Variants in TRPA1 observed in about 807,000 individuals in gnomAD.
The protein encoded by TRPA1 is transient receptor potential cation channel subfamily A member 1.
In TRPA1, 129 loss-of-function variants were observed where a neutral mutation model predicts 131.3. The ratio of observed to expected loss-of-function variants is 0.98; its 90% CI spans 0.85 to 1.14. The LOEUF (loss-of-function observed/expected upper bound fraction) is 1.14, where lower values mean the gene tolerates loss of function less well. Among genes scored for constraint, TRPA1 ranks in the 50% most tolerant of loss-of-function variants. TRPA1 has a pLI of 0.00. For synonymous variants in TRPA1, 441 were observed against 451.7 expected (o/e 0.98, Z 0.30); for missense variants, 1,304 against 1,354.2 (o/e 0.96, Z 0.58).
At chr8:72,057,166 C>T (rs1646282252) in intron 9 of TRPA1, 149 bp from the exon 10 acceptor site, 1 of 662,084 alleles carries the variant, frequency 1.5e-6, no homozygotes. Context: ...GAAAACTAAA[C>T]ATATTTAAAA....
Position 72,069,057 on chromosome 8 carries a change from A to G in TRPA1, c.410T>C (p.Ile137Thr), listed in dbSNP as rs762892007. 1.9e-6 allele frequency: 3 copies of G among 1,614,202 alleles called. No homozygotes were observed. Among genetic ancestry groups the G allele is most frequent in the South Asian group, 2.2e-5 (2 of 91,088 alleles). The change falls in exon 3 of 27, where the codon ATA (isoleucine) becomes ACA (threonine). Residue 137 changes from isoleucine (I) to threonine (T), a missense_variant. Transcript: ENST00000262209. ...RNFNMMAPLHIAVQGMNNEVM... is the reference protein window; with the variant it reads ...RNFNMMAPLHTAVQGMNNEVM... ...CTCATTATTCATGCCCTGCACAGCTATGTGGAGAGGAGCCATCATGTTGAA... is the reference window on the plus strand; with the variant it reads ...CTCATTATTCATGCCCTGCACAGCTGTGTGGAGAGGAGCCATCATGTTGAA...
At chr8:72,068,517 T>G (rs930766468) in intron 3 of TRPA1, among the ~76,000 whole-genome samples, 11 of 152,218 alleles carry the variant, frequency 7.2e-5, no homozygotes, top group Admixed American at 4.6e-4. Context: ...CTAACAAAAA[T>G]AGAGAATCAT....
intron 8 of TRPA1, among the ~76,000 whole-genome samples, chr8:72,059,177 C>T (rs1277753888): frequency 2.6e-5 from 4 of 152,196 alleles, no homozygotes; most frequent in African/African-American, 4.8e-5. Flanking sequence ...ATCCAAATTA[C>T]GCTTTGACAC....
Position 72,075,287 on chromosome 8 carries a change from C to A in TRPA1, c.111+12G>T, listed in dbSNP as rs368154981. On this transcript the variant is annotated intron_variant, in intron 1 of 26. Transcript: ENST00000262209. ...GTCGGAACCCCTCCAGACCCGCGAG[C>A]CCCCAGAGTACCTTAAGCGATTCCT... 1.1e-5 allele frequency: 17 copies of A among 1,606,010 alleles called. No individual in the cohort carries two copies. The African/African-American group carries it at 2.3e-4, about 21-fold the overall frequency.
At chr8:72,082,330 AGT>A in the TRPA1 span, among the ~76,000 whole-genome samples, 1 of 152,064 alleles carries the variant, frequency 6.6e-6, no homozygotes, top group African/African-American at 2.4e-5. Context: ...ACTCTAAAAT[AGT>A]GTGTTATAAT....
In TRPA1 at chr8:72,065,332, GT is replaced by G. The variant is rs1189451800; in HGVS notation, c.552+118del. 1.0e-5 allele frequency: 10 copies of G among 972,792 alleles called. No individual in the cohort carries two copies. The East Asian group carries it at 2.8e-4, about 27-fold the overall frequency. The allele number at this position is 972,792 out of a possible 1,614,324, so 60.3% of individuals were successfully genotyped here. ...ATAGAAAAACTTTTTTCCTGACCTA[GT>G]TTTTGTATTTTATATTTTTCTAAGG... On this transcript the variant is annotated intron_variant, in intron 4 of 26. Transcript: ENST00000262209.
At chr8:72,030,164 T>C (rs1811758129) in intron 23 of TRPA1, among the ~76,000 whole-genome samples, 195 bp from the exon 24 acceptor site, 4 of 152,218 alleles carry the variant, frequency 2.6e-5, no homozygotes, top group Admixed American at 2.0e-4. Context: ...AACTGGTTTC[T>C]GGTAAGAACC....
rs1024374889 is a variant in TRPA1, at chr8:72,054,075, A to G, written c.1530-208T>C. On this transcript the variant is annotated intron_variant, in intron 12 of 26. Coordinates refer to ENST00000262209, the MANE Select transcript of TRPA1 (RefSeq NM_007332.3). ...GACCTATTTCTAATGTGATTCATAC[A>G]CGTTTTTTACTTAGTGGTTTAAAAT... is the stretch of plus-strand genomic sequence containing the variant. 1.0e-5 allele frequency: 6 copies of G among 573,240 alleles called. No homozygotes were observed. In the African/African-American group the frequency reaches 1.1e-4, roughly 11 times the overall value. 35.5% of individuals were successfully genotyped at this position (573,240 alleles called of 1,614,324 possible). A position where few individuals can be genotyped will look rare whatever the true frequency, so the allele number is the denominator to read the frequency against.
At chr8:72,071,602 C>A in intron 2 of TRPA1, 109 bp downstream of exon 2, 1 of 1,240,052 alleles carries the variant, frequency 8.1e-7, no homozygotes, top group Non-Finnish European at 1.2e-6. Flanking sequence ...AATATATAGG[C>A]TCTTTATAAT....
Position 72,075,465 on chromosome 8 carries a change from G to C in TRPA1, c.-56C>G. ...CTGCTCACCACGCGCGCGGGCACCT[G>C]GGGCGAGAGAGCGCTGTCAGCCTGC... On this transcript the variant is annotated 5_prime_UTR_variant, in exon 1 of 27. Coordinates refer to ENST00000262209, the MANE Select transcript of TRPA1 (RefSeq NM_007332.3). The C allele has an allele frequency of 7.0e-7, 1 of 1,426,448 alleles. No homozygotes were observed. Among genetic ancestry groups the C allele is most frequent in the Non-Finnish European group, 9.8e-7 (1 of 1,021,360 alleles). The allele number at this position is 1,426,448 out of a possible 1,614,324, so 88.4% of individuals were successfully genotyped here.
chr8:72,061,608 A>T lies in TRPA1; in HGVS notation c.944+17T>A. On this transcript the variant is annotated intron_variant, in intron 7 of 26. Coordinates refer to ENST00000262209, the MANE Select transcript of TRPA1 (RefSeq NM_007332.3). ...AGATGAAAAATCTGTATACAGAATG[A>T]TAGGTAGGAAACTTGCCTGTGAAGC... 6.2e-7 allele frequency: 1 copy of T among 1,613,784 alleles called. No individual in the cohort carries two copies. Among genetic ancestry groups the T allele is most frequent in the Non-Finnish European group, 8.5e-7 (1 of 1,179,806 alleles).
chr8:72,048,093 A>T (rs1805394140), intron 15 of TRPA1, among the ~76,000 whole-genome samples: 2 of 151,962 alleles, frequency 1.3e-5, no homozygotes, highest in African/African-American at 4.8e-5. Flanking sequence ...AAATAGATGA[A>T]GACTCTCTAG....
At chr8:72,080,105 C>T (rs1295454783), upstream of TRPA1, among the ~76,000 whole-genome samples, 1 of 151,746 alleles carries the variant, frequency 6.6e-6, no homozygotes, top group Non-Finnish European at 1.5e-5. Flanking sequence ...AGACAGTTTG[C>T]TTCTTCCTTT....
chr8:72,075,859 AGTGTGTGTGTGTGTGTGTGTGT>A (rs61575164), upstream of TRPA1, among the ~76,000 whole-genome samples: 6 of 135,028 alleles, frequency 4.4e-5, no homozygotes, highest in Admixed American at 7.2e-5. Context: ...CTTGCATGTG[AGTGTGTGTGTGTGTGTGTGTGT>A]GTGTGTGTGT....
chr8:72,026,998 TGCATTAGTTCCA>T (rs1247141087), intron 24 of TRPA1, among the ~76,000 whole-genome samples: 2 of 152,178 alleles, frequency 1.3e-5, no homozygotes, highest in Non-Finnish European at 2.9e-5. Context: ...TAACATACTG[TGCATTAGTTCCA>T]GCTTCAAGAA....
At chr8:72,076,884 A>G (rs1220977338), upstream of TRPA1, among the ~76,000 whole-genome samples, 2 of 152,148 alleles carry the variant, frequency 1.3e-5, no homozygotes, top group South Asian at 2.1e-4. Context: ...TCTCATCAGC[A>G]TCTGTGTTCA....
Position 72,075,579 on chromosome 8 carries a change from T to A in TRPA1, c.-170A>T. 1 of 637,548 alleles carries A rather than the reference T, an allele frequency of 1.6e-6. No homozygotes were observed. The highest frequency in any genetic ancestry group is 2.8e-6 in the Non-Finnish European group (1 of 358,330). The allele number at this position is 637,548 out of a possible 1,614,324, so 39.5% of individuals were successfully genotyped here. The stretch of plus-strand genomic sequence containing the variant: ...TCGCTCTGCGGAAGCCCTGGAGAAC[T>A]TCTGGAAGGAGTTCTCAGGCCCGCG... On this transcript the variant is annotated 5_prime_UTR_variant, in exon 1 of 27. In the 5' UTR this introduces an upstream ATG that the reference lacks. Transcript: ENST00000262209.
Position 72,053,850 on chromosome 8 carries a change from G to C in TRPA1, c.1547C>G (p.Thr516Arg), listed in dbSNP as rs1356530420. Reference protein sequence around the residue: ...ALFLSDHNGWTALHHASMGGY... With the variant: ...ALFLSDHNGWRALHHASMGGY... ...GCCCATGGACGCATGATGCAAAGCT[G>C]TCCAGCCATTGTGGTCACTGGTAAA... is the stretch of plus-strand genomic sequence containing the variant. The change falls in exon 13 of 27, where the codon ACA (threonine) becomes AGA (arginine). Residue 516 changes from threonine to arginine, a missense_variant. Thr to Arg is a moderately conservative substitution (Grantham distance 71, BLOSUM62 -1). Transcript: ENST00000262209. 18 of 1,611,446 alleles carry C rather than the reference G, an allele frequency of 1.1e-5. No individual in the cohort carries two copies. Among genetic ancestry groups the C allele is most frequent in the Non-Finnish European group, 1.4e-5 (17 of 1,179,578 alleles).
chr8:72,049,415 C>T (rs1001853028), intron 15 of TRPA1, among the ~76,000 whole-genome samples: 1 of 152,220 alleles, frequency 6.6e-6, no homozygotes, highest in East Asian at 1.9e-4. Flanking sequence ...ATCCCAGGAC[C>T]TCCAGAAGGC....
Sources: allele counts gnomAD v4.1 joint callset (sites outside exome capture counted in the v4.1 genomes callset), GRCh38; gene constraint gnomAD v4.1.1; transcripts MANE v1.5; gene names NCBI Gene and HGNC (gene_info 2026-07-23, HGNC 2026-07-21).